GABBR2: variants seen among roughly 807,000 people sequenced by gnomAD.
The protein encoded by GABBR2 is G-protein coupled receptor 51.
In GABBR2, 23 loss-of-function variants were observed where a neutral mutation model predicts 105.6. The ratio of observed to expected loss-of-function variants is 0.22; its 90% CI spans 0.16 to 0.31. The LOEUF (loss-of-function observed/expected upper bound fraction) is 0.31, where lower values mean the gene tolerates loss of function less well. Among genes scored for constraint, GABBR2 ranks in the 10% least tolerant of loss-of-function variants. The pLI, the probability that GABBR2 is intolerant of heterozygous loss-of-function variation, is 1.00. For missense variants in GABBR2, 734 were observed against 1,245.5 expected (o/e 0.59, Z 6.18); for synonymous variants, 478 against 499.7 (o/e 0.96, Z 0.58).
At chr9:98,299,028 C>G (rs1312331590) in intron 17 of GABBR2, among the ~76,000 whole-genome samples, 196 bp downstream of exon 17, 1 of 152,178 alleles carries the variant, frequency 6.6e-6, no homozygotes, top group Non-Finnish European at 1.5e-5. Flanking sequence ...CAGGCCCAGG[C>G]AGGGTGGGGC....
intron 13 of GABBR2, among the ~76,000 whole-genome samples, chr9:98,326,050 C>A (rs1168081421): frequency 1.3e-5 from 2 of 152,154 alleles, no homozygotes; most frequent in Non-Finnish European, 2.9e-5. Context: ...CAAAAATAGG[C>A]TACCAAAGGC....
chr9:98,647,034 G>A (rs1315020478), intron 1 of GABBR2, among the ~76,000 whole-genome samples: 1 of 152,186 alleles, frequency 6.6e-6, no homozygotes, highest in East Asian at 1.9e-4. Context: ...ATGAGAAGAG[G>A]CAGGGAGGAT....
At chr9:98,506,368 T>A (rs1425809240) in intron 3 of GABBR2, among the ~76,000 whole-genome samples, 1 of 152,188 alleles carries the variant, frequency 6.6e-6, no homozygotes, top group East Asian at 1.9e-4. Context: ...TAGTAGGTGC[T>A]CAGAATTGTG....
chr9:98,688,540 A>T (rs2131876531), intron 1 of GABBR2, among the ~76,000 whole-genome samples: 1 of 152,258 alleles, frequency 6.6e-6, no homozygotes, highest in Non-Finnish European at 1.5e-5. Context: ...TCTCATTGAA[A>T]AATCATTAGA....
At chr9:98,335,025 C>G (rs1174778087) in intron 13 of GABBR2, among the ~76,000 whole-genome samples, 2 of 152,170 alleles carry the variant, frequency 1.3e-5, no homozygotes, top group East Asian at 3.9e-4. Context: ...TTGTAGAGCA[C>G]TTAGAAACAA....
chr9:98,439,940 G>A (rs770821974), intron 7 of GABBR2, among the ~76,000 whole-genome samples: 45 of 152,210 alleles, frequency 3.0e-4, no homozygotes, highest in Non-Finnish European at 5.9e-4. Flanking sequence ...TAACTGGGGG[G>A]CTTGCCCAGT....
chr9:98,395,762 G>T (rs1832276689), intron 8 of GABBR2, among the ~76,000 whole-genome samples: 1 of 152,060 alleles, frequency 6.6e-6, no homozygotes. Context: ...GGATGAAGCA[G>T]ATTTAGGGAA....
rs1454363910 is a variant in GABBR2 at position 98,388,361 on chromosome 9, G to A, written c.1529+493C>T. 3.3e-5 allele frequency among the ~76,000 whole-genome samples: 5 copies of A among 152,162 alleles called. No individual in the cohort carries two copies. The highest frequency in any genetic ancestry group is 1.2e-4 in the African/African-American group (5 of 41,436). ...GGATGATGGAAGGGAGGGCTTCCTG[G>A]CCGTAATGAACTGTACCAATGGGAG... On this transcript the variant is annotated intron_variant, in intron 10 of 18. Coordinates refer to ENST00000259455, the MANE Select transcript of GABBR2 (RefSeq NM_005458.8). The surrounding 1 kb of genome is among the most constrained non-coding windows in gnomAD (Gnocchi z 4.4).
chr9:98,648,116 T>TGTGGATAG, intron 1 of GABBR2, among the ~76,000 whole-genome samples: 1 of 55,948 alleles, frequency 1.8e-5, no homozygotes, highest in African/African-American at 6.9e-5. Context: ...TGTGTGTGTG[T>TGTGGATAG]ATAGATAGAT....
At chr9:98,423,433 T>G (rs970422926) in intron 7 of GABBR2, among the ~76,000 whole-genome samples, 2 of 152,262 alleles carry the variant, frequency 1.3e-5, no homozygotes, top group African/African-American at 4.8e-5. Flanking sequence ...GTTCATAACC[T>G]TTGCCCACTT....
chr9:98,476,111 G>C (rs1477776489), intron 5 of GABBR2, among the ~76,000 whole-genome samples: 1 of 152,064 alleles, frequency 6.6e-6, no homozygotes, highest in Non-Finnish European at 1.5e-5. Flanking sequence ...GATATGAAAA[G>C]GCCTTCTGAT....
At chr9:98,393,155 A>ACCCCATCCATCCATCCATCC (rs1832221087) in intron 9 of GABBR2, among the ~76,000 whole-genome samples, 1 of 24,662 alleles carries the variant, frequency 4.1e-5, no homozygotes, top group Non-Finnish European at 6.7e-5. Flanking sequence ...CTCATCCACC[A>ACCCCATCCATCCATCCATCC]ACCCATCCAT....
At chr9:98,587,309 T>C (rs938119338) in intron 1 of GABBR2, among the ~76,000 whole-genome samples, 6 of 152,318 alleles carry the variant, frequency 3.9e-5, no homozygotes, top group Non-Finnish European at 7.3e-5. Flanking sequence ...TCCCGCATTC[T>C]GAGTATTGAC....
intron 13 of GABBR2, among the ~76,000 whole-genome samples, chr9:98,358,810 C>A (rs1401474434): frequency 1.3e-5 from 2 of 152,150 alleles, no homozygotes; most frequent in Non-Finnish European, 2.9e-5. Context: ...TGTGTAGCCC[C>A]TGAGAGAGGA....
chr9:98,463,441 C>T (rs1826461483), intron 6 of GABBR2, among the ~76,000 whole-genome samples: 1 of 152,026 alleles, frequency 6.6e-6, no homozygotes, highest in Non-Finnish European at 1.5e-5. Context: ...ACAAGAATAG[C>T]CAAGACAGTT....
At chr9:98,582,118 G>A (rs1829011651) in intron 1 of GABBR2, among the ~76,000 whole-genome samples, 1 of 152,126 alleles carries the variant, frequency 6.6e-6, no homozygotes, top group African/African-American at 2.4e-5. Flanking sequence ...AATATTTTAT[G>A]TTACATGGCA....
chr9:98,613,648 A>G (rs1193990651), intron 1 of GABBR2, among the ~76,000 whole-genome samples: 1 of 152,250 alleles, frequency 6.6e-6, no homozygotes, highest in East Asian at 1.9e-4. Context: ...CAAGAGACCC[A>G]AAAGACAAAT....
At chr9:98,381,808 TCAGCCTTCCCCGGCTTCCCAGGA>T (rs1231466630) in intron 11 of GABBR2, among the ~76,000 whole-genome samples, 3 of 152,318 alleles carry the variant, frequency 2.0e-5, no homozygotes, top group East Asian at 3.9e-4. Context: ...TTTATTCATA[TCAGCCTTCCCCGGCTTCCCAGGA>T]CAACCTTCCC....
chr9:98,436,905 C>T (rs1031863021), intron 7 of GABBR2, among the ~76,000 whole-genome samples: 1 of 152,104 alleles, frequency 6.6e-6, no homozygotes, highest in Non-Finnish European at 1.5e-5. Context: ...TAATAACAGT[C>T]TTTAGCATTC....
Sources: gnomAD v4.1 joint callset for allele counts (sites outside exome capture counted in the v4.1 genomes callset) on GRCh38, gnomAD v4.1.1 for gene constraint, Gnocchi (gnomAD v3.1) non-coding constraint, MANE v1.5 for transcripts, NCBI Gene and HGNC (gene_info 2026-07-23, HGNC 2026-07-21) for gene names.